TBX2: variants seen among roughly 807,000 people sequenced by gnomAD.
TBX2 encodes T-box transcription factor 2, also known as T-box transcription factor TBX2.
In TBX2, 19 loss-of-function variants were observed where a neutral mutation model predicts 48.4. The observed-to-expected ratio is 0.39, with a 90% confidence interval of 0.27 to 0.58. The LOEUF is 0.58. Ranked by LOEUF, TBX2 falls within the 20% of genes least tolerant of loss-of-function variation. The probability of loss-of-function intolerance (pLI) is 0.54; values close to 1 mark genes in which losing one functional copy is unlikely to be tolerated. For synonymous variants in TBX2, 522 were observed against 459.7 expected, an observed-to-expected ratio of 1.14 and a Z score of -1.73; for missense variants, 994 against 1,006.5, an observed-to-expected ratio of 0.99 and a Z score of 0.17.
In TBX2 at chr17:61,399,984, G is replaced by A. The variant is rs1311770274; in HGVS notation, c.-193G>A. On this transcript the variant is annotated 5_prime_UTR_variant, in exon 1 of 7. Transcript: ENST00000240328. The surrounding 1 kb of genome is among the most constrained non-coding windows in gnomAD (Gnocchi z 4.7). ...GCCCGGCCCAGCCCGGCCCCGCGCA[G>A]AGCCCCCGCCGCCCCCGCGCACAGA... is the stretch of plus-strand genomic sequence containing the variant. 6.0e-6 allele frequency: 1 copy of A among 166,048 alleles called. No individual in the cohort carries two copies. Among genetic ancestry groups the A allele is most frequent in the African/African-American group, 2.4e-5 (1 of 41,500 alleles). The allele number at this position is 166,048 out of a possible 1,614,324, so 10.3% of individuals were successfully genotyped here.
In TBX2 at chr17:61,405,256, A is replaced by G. The variant is rs2060283426; in HGVS notation, c.1106A>G (p.Glu369Gly). 2 of 1,573,722 alleles carry G rather than the reference A, an allele frequency of 1.3e-6. No homozygotes were observed. The highest frequency in any genetic ancestry group is 1.8e-5 in the Admixed American group (1 of 56,514). The change falls in exon 6 of 7, where the codon GAG becomes GGG. Residue 369 changes from glutamate (E) to glycine (G), a missense_variant. Physicochemically the swap from Glu to Gly is moderately conservative, Grantham distance 98 (BLOSUM62 -2). Coordinates refer to ENST00000240328, the MANE Select transcript of TBX2 (RefSeq NM_005994.4). ...DSDPEPERLS[E>G]ERAGAPLGRS... ...GACCCGGAGCCTGAGCGGTTGAGCG[A>G]GGAGCGTGCGGGGGCGCCGCTAGGC...
rs2060261682 is a variant in TBX2, at chr17:61,400,932, T to C, written c.395+361T>C. Among the ~76,000 whole-genome samples, 1 of 152,100 alleles carries C rather than the reference T, an allele frequency of 6.6e-6. No individual in the cohort carries two copies. Among genetic ancestry groups the C allele is most frequent in the Admixed American group, 6.5e-5 (1 of 15,276 alleles). ...TCTGCGTCCGGGTCCGTCTCCGAGC[T>C]CGGGGGAAATTCAGCCTCTCTCAGA... On this transcript the variant is annotated intron_variant, in intron 1 of 6. Coordinates refer to ENST00000240328, the MANE Select transcript of TBX2 (RefSeq NM_005994.4). This position sits in a 1 kb window ranked among gnomAD's most constrained non-coding sequence, Gnocchi z 9.2.
chr17:61,408,014 G>C, intron 6 of TBX2, 40 bp from the exon 7 acceptor site: 2 of 1,523,526 alleles, frequency 1.3e-6, no homozygotes, highest in South Asian at 2.6e-5. Context: ...AAAGACTTCA[G>C]GCAAGATGTC....
rs116464816 is a variant in TBX2, at chr17:61,404,788, G to A, written c.1051+19G>A. The A allele has an allele frequency of 3.8e-3, 5,714 of 1,518,028 alleles. 153 individuals carry two copies. In the African/African-American group the frequency reaches 0.063, roughly 17 times the overall value. 94.0% of individuals were successfully genotyped at this position (1,518,028 alleles called of 1,614,324 possible). A position where few individuals can be genotyped will look rare whatever the true frequency, so the allele number is the denominator to read the frequency against. On this transcript the variant is annotated intron_variant, in intron 5 of 6. Coordinates refer to ENST00000240328, the MANE Select transcript of TBX2 (RefSeq NM_005994.4). ...GCCCGAGGTGAGGGTCGGACCGGAG[G>A]AGGGACAGGGAGGTGGCGGCGGGGG...
In TBX2 at chr17:61,405,569, C is replaced by T; in HGVS notation, c.1419C>T (p.His473=). 1 of 1,600,698 alleles carries T rather than the reference C, an allele frequency of 6.2e-7. No homozygotes were observed. Among genetic ancestry groups the T allele is most frequent in the East Asian group, 2.2e-5 (1 of 44,582 alleles). Reference sequence around the variant, plus strand: ...TGCCCGGCCTGGCCTTTTCCAGCCACTTGCACGGGCAGCAGTTCTTTGGGC... The same window carrying T: ...TGCCCGGCCTGGCCTTTTCCAGCCATTTGCACGGGCAGCAGTTCTTTGGGC... ...GHLPGLAFSS[H]LHGQQFFGPL... Residue 473 remains histidine, a synonymous_variant, in exon 6 of 7, where the codon CAC becomes CAT. Coordinates refer to ENST00000240328, the MANE Select transcript of TBX2 (RefSeq NM_005994.4).
chr17:61,402,046 A>G, intron 2 of TBX2, 95 bp downstream of exon 2: 1 of 1,487,840 alleles, frequency 6.7e-7, no homozygotes, highest in South Asian at 1.4e-5. Context: ...TCCCAGGGGG[A>G]AGCGCTGGGC....
At chr17:61,407,930 A>G (rs1603241994) in intron 6 of TBX2, 124 bp from the exon 7 acceptor site, 1 of 1,240,964 alleles carries the variant, frequency 8.1e-7, no homozygotes, top group East Asian at 2.4e-5. Flanking sequence ...GGTTATAGTT[A>G]TGCGAATTGT....
Position 61,405,681 on chromosome 17 carries a change from C to T in TBX2, c.1531C>T (p.Leu511=). The change falls in exon 6 of 7, where the codon CTA becomes TTA. Residue 511 remains leucine, a synonymous_variant. Coordinates refer to ENST00000240328, the MANE Select transcript of TBX2 (RefSeq NM_005994.4). ...GAFSAMGMGH[L]LASVAGGGNG... ...CTTCTCCGCCATGGGCATGGGTCAC[C>T]TACTGGCCTCGGTGGCAGGCGGCGG... 1 of 1,408,740 alleles carries T rather than the reference C, an allele frequency of 7.1e-7. No individual in the cohort carries two copies. Among genetic ancestry groups the T allele is most frequent in the African/African-American group, 1.5e-5 (1 of 66,954 alleles). 87.3% of individuals were successfully genotyped at this position (1,408,740 alleles called of 1,614,324 possible).
chr17:61,400,450 C>G lies in TBX2; in HGVS notation c.274C>G (p.Leu92Val), dbSNP rs960923591. 5 of 1,593,162 alleles carry G rather than the reference C, an allele frequency of 3.1e-6. No homozygotes were observed. The highest frequency in any genetic ancestry group is 3.4e-6 in the Non-Finnish European group (4 of 1,171,418). The stretch of plus-strand genomic sequence containing the variant: ...CCCGCCCGCCGCGCATCTGCGCTCC[C>G]TCAAGAGCCTGGAGCCCGAGGACGA... ...PHPPAAHLRS[L>V]KSLEPEDEVE... Residue 92 changes from leucine (L) to valine (V), a missense_variant, in exon 1 of 7, where the codon CTC becomes GTC. Around this residue, in one of 5 missense-constraint regions of TBX2, gnomAD observed 165 missense variants for 136.8 expected, o/e 1.21. Coordinates refer to ENST00000240328, the MANE Select transcript of TBX2 (RefSeq NM_005994.4). This position sits in a 1 kb window ranked among gnomAD's most constrained non-coding sequence, Gnocchi z 9.2.
Position 61,403,198 on chromosome 17 carries a change from G to A in TBX2, c.801G>A (p.Gln267=), listed in dbSNP as rs1343807214. The part of the protein sequence containing the change: ...ETDFIAVTAY[Q]NDKITQLKID... ...ACTTCATCGCCGTCACTGCCTACCA[G>A]AATGACAAGGTGCGCGCGGCGGGCG... is the stretch of plus-strand genomic sequence containing the variant. Residue 267 remains glutamine (Q), a synonymous_variant, in exon 3 of 7, where the codon CAG becomes CAA. Transcript: ENST00000240328. The surrounding 1 kb of genome is among the most constrained non-coding windows in gnomAD (Gnocchi z 5.8). The A allele has an allele frequency of 1.9e-6, 3 of 1,613,042 alleles. No individual in the cohort carries two copies. The highest frequency in any genetic ancestry group is 2.7e-5 in the African/African-American group (2 of 74,950).
In TBX2 at chr17:61,403,754, C is replaced by T. The variant is rs558874146; in HGVS notation, c.810+547C>T. Among the ~76,000 whole-genome samples the T allele has an allele frequency of 6.6e-6, 1 of 152,138 alleles. No homozygotes were observed. The highest frequency in any genetic ancestry group is 2.1e-4 in the South Asian group (1 of 4,816). On this transcript the variant is annotated intron_variant, in intron 3 of 6. Coordinates refer to ENST00000240328, the MANE Select transcript of TBX2 (RefSeq NM_005994.4). The surrounding 1 kb of genome is among the most constrained non-coding windows in gnomAD (Gnocchi z 5.8). ...AGAGAATTACCTTCCAATCAAAGGG[C>T]TTTTTCTGCTTGCGGCTTCTCCACC...
intron 5 of TBX2, 168 bp downstream of exon 5, chr17:61,404,937 C>A: frequency 7.9e-7 from 1 of 1,259,540 alleles, no homozygotes; most frequent in Non-Finnish European, 1.1e-6. Context: ...AGGGCGGTCC[C>A]CGGTAGCCAG....
In TBX2 at chr17:61,405,482, G is replaced by T; in HGVS notation, c.1332G>T (p.Glu444Asp). The change falls in exon 6 of 7, where the codon GAG (glutamate) becomes GAT (aspartate). Residue 444 changes from glutamate to aspartate, a missense_variant. Glu to Asp is a conservative substitution (Grantham distance 45). Coordinates refer to ENST00000240328, the MANE Select transcript of TBX2 (RefSeq NM_005994.4). ...GCAAGGAGGCGGCCGAGGGCAAGGA[G>T]CAGGGCCTGGCGCCGCTGGTGGTGC... is the stretch of plus-strand genomic sequence containing the variant. ...EGRKEAAEGK[E>D]QGLAPLVVQT... 6.3e-7 allele frequency: 1 copy of T among 1,579,098 alleles called. No homozygotes were observed. Among genetic ancestry groups the T allele is most frequent in the Non-Finnish European group, 8.6e-7 (1 of 1,165,702 alleles).
chr17:61,401,915 G>T lies in TBX2; in HGVS notation c.627G>T (p.Leu209=), dbSNP rs1050257260. The change falls in exon 2 of 7, where the codon CTG becomes CTT. Residue 209 remains leucine (L), a synonymous_variant. Transcript: ENST00000240328. ...CTAAGCCTGTGGCCTTCCACAAGCT[G>T]AAGCTGACCAACAACATCTCTGACA... ...WMAKPVAFHK[L]KLTNNISDKH... 9 of 1,609,560 alleles carry T rather than the reference G, an allele frequency of 5.6e-6. No individual in the cohort carries two copies. Among genetic ancestry groups the T allele is most frequent in the Non-Finnish European group, 6.8e-6 (8 of 1,177,490 alleles).
rs760596491 is a variant in TBX2 at position 61,408,173 on chromosome 17, C to T, written c.1806C>T (p.Ala602=). ...ATSAAAAAAA[A]AGSLSRSPFL... ...GTGCTGCAGCTGCCGCCGCCGCAGCCGCCGGCTCCCTCTCCCGGAGCCCCT... is the reference window on the plus strand; with the variant it reads ...GTGCTGCAGCTGCCGCCGCCGCAGCTGCCGGCTCCCTCTCCCGGAGCCCCT... Residue 602 remains alanine (A), a synonymous_variant, in exon 7 of 7, where the codon GCC becomes GCT. Transcript: ENST00000240328. The T allele has an allele frequency of 7.4e-6, 12 of 1,612,526 alleles. No homozygotes were observed. The highest frequency in any genetic ancestry group is 1.7e-5 in the Admixed American group (1 of 59,972).
rs1427020569 is a variant in TBX2, at chr17:61,408,480, T to G, written c.2113T>G (p.Ser705Ala). 9 of 1,447,400 alleles carry G rather than the reference T, an allele frequency of 6.2e-6. No individual in the cohort carries two copies. Among genetic ancestry groups the G allele is most frequent in the Admixed American group, 2.8e-5 (1 of 36,074 alleles). The allele number at this position is 1,447,400 out of a possible 1,614,324, so 89.7% of individuals were successfully genotyped here. A position where few individuals can be genotyped will look rare whatever the true frequency, so the allele number is the denominator to read the frequency against. The stretch of plus-strand genomic sequence containing the variant: ...TGGGCTGGAGAGCCAGCGAGCCCTC[T>G]CCCCAGGCCGGGAGTCGCCCAAGTG... ...VSGLESQRALSPGRESPK is the reference protein window; with the variant it reads ...VSGLESQRALAPGRESPK Residue 705 changes from serine to alanine, a missense_variant, in exon 7 of 7, where the codon TCC becomes GCC. Ser to Ala is a moderately conservative substitution (Grantham distance 99). This residue lies in a region of TBX2 where 639 missense variants were observed against 613.2 expected (regional missense o/e 1.04). Coordinates refer to ENST00000240328, the MANE Select transcript of TBX2 (RefSeq NM_005994.4).
chr17:61,400,656 ACTCCCGGCTCCCGG>A lies in TBX2; in HGVS notation c.395+97_395+110del, dbSNP rs961128988. On this transcript the variant is annotated intron_variant, in intron 1 of 6. Transcript: ENST00000240328. This position sits in a 1 kb window ranked among gnomAD's most constrained non-coding sequence, Gnocchi z 9.2. ...TGCACGGATCAGAGCAGAGCTGGGGACTCCCGGCTCCCGGCTCCCGGCTCCAGGTTCTGGCCCTG... is the reference window on the plus strand; with the variant it reads ...TGCACGGATCAGAGCAGAGCTGGGGACTCCCGGCTCCAGGTTCTGGCCCTG... The A allele has an allele frequency of 6.1e-6, 8 of 1,316,344 alleles. No homozygotes were observed. The African/African-American group carries it at 1.1e-4, about 18-fold the overall frequency. The allele number at this position is 1,316,344 out of a possible 1,614,324, so 81.5% of individuals were successfully genotyped here. A position where few individuals can be genotyped will look rare whatever the true frequency, so the allele number is the denominator to read the frequency against.
Position 61,408,163 on chromosome 17 carries a change from C to T in TBX2, c.1796C>T (p.Ala599Val), listed in dbSNP as rs781407433. 2 of 1,612,158 alleles carry T rather than the reference C, an allele frequency of 1.2e-6. No homozygotes were observed. Among genetic ancestry groups the T allele is most frequent in the African/African-American group, 1.3e-5 (1 of 74,914 alleles). Residue 599 changes from alanine (A) to valine (V), a missense_variant, in exon 7 of 7, where the codon GCC becomes GTC. By Grantham distance (64) the Ala-to-Val change is moderately conservative (BLOSUM62 0). Coordinates refer to ENST00000240328, the MANE Select transcript of TBX2 (RefSeq NM_005994.4). ...CCCGCCACTAGTGCTGCAGCTGCCG[C>T]CGCCGCAGCCGCCGGCTCCCTCTCC... ...ALPATSAAAA[A>V]AAAAGSLSRS...
At chr17:61,402,362 G>A (rs1259725443) in intron 2 of TBX2, among the ~76,000 whole-genome samples, 3 of 152,122 alleles carry the variant, frequency 2.0e-5, no homozygotes, top group East Asian at 1.9e-4. Context: ...CAAGACCCGC[G>A]TCCCTGGCCC....
Sources: gnomAD v4.1 joint callset for allele counts (sites outside exome capture counted in the v4.1 genomes callset) on GRCh38, gnomAD v4.1.1 for gene constraint, gnomAD v4.1.1 regional missense constraint, Gnocchi (gnomAD v3.1) non-coding constraint, MANE v1.5 for transcripts, NCBI Gene and HGNC (gene_info 2026-07-23, HGNC 2026-07-21) for gene names.